The following PAPPA variants were observed in gnomAD, a reference collection of about 807,000 sequenced individuals.
PAPPA encodes the protein pappalysin-1.
Under a neutral mutation model 164.0 loss-of-function variants are expected in PAPPA, and 60 were observed. That is an observed-to-expected ratio of 0.37 (90% CI 0.30 to 0.45). The LOEUF (loss-of-function observed/expected upper bound fraction) is 0.45, where lower values mean the gene tolerates loss of function less well. PAPPA is among the 20% of genes least tolerant of loss of function. The pLI, the probability that PAPPA is intolerant of heterozygous loss-of-function variation, is 1.00. For missense variants in PAPPA, 1,782 were observed against 2,087.3 expected, an observed-to-expected ratio of 0.85 and a Z score of 2.85; for synonymous variants, 875 against 814.1, an observed-to-expected ratio of 1.07 and a Z score of -1.27.
At chr9:116,344,405 C>G in intron 13 of PAPPA, 138 bp from the exon 14 acceptor site, 1 of 764,612 alleles carries the variant, frequency 1.3e-6, no homozygotes, top group East Asian at 2.5e-5. Flanking sequence ...CATCTTCACC[C>G]TAGCCAGCAC....
intron 2 of PAPPA, among the ~76,000 whole-genome samples, chr9:116,196,903 C>G (rs1465702097): frequency 1.3e-5 from 2 of 152,214 alleles, no homozygotes; most frequent in Non-Finnish European, 2.9e-5. Flanking sequence ...TAGCCTTGAA[C>G]TTGACTTCTA....
intron 13 of PAPPA, among the ~76,000 whole-genome samples, chr9:116,335,946 TC>T (rs2118958730): frequency 6.6e-6 from 1 of 152,328 alleles, no homozygotes; most frequent in Admixed American, 6.5e-5. Flanking sequence ...TTTATAACCA[TC>T]TTTTGATGAT....
At chr9:116,372,892 G>C (rs2118668815) in intron 19 of PAPPA, among the ~76,000 whole-genome samples, 1 of 152,348 alleles carries the variant, frequency 6.6e-6, no homozygotes, top group East Asian at 1.9e-4. Flanking sequence ...AGATGAAGAA[G>C]CTGAGGCTCA....
intron 2 of PAPPA, among the ~76,000 whole-genome samples, chr9:116,198,378 C>T (rs1051887076): frequency 1.3e-5 from 2 of 152,112 alleles, no homozygotes; most frequent in African/African-American, 4.8e-5. Flanking sequence ...GATTGGAGTA[C>T]CCCAAGAGAA....
chr9:116,276,100 A>C (rs1016790337), intron 9 of PAPPA, among the ~76,000 whole-genome samples: 11 of 152,128 alleles, frequency 7.2e-5, no homozygotes, highest in African/African-American at 2.7e-4. Context: ...TCAGTGAAAA[A>C]ATGTGGTATC....
intron 2 of PAPPA, among the ~76,000 whole-genome samples, chr9:116,191,038 A>G (rs3789276): frequency 0.27 from 38,540 of 143,196 alleles, 5,913 homozygotes; most frequent in Non-Finnish European, 0.35. Context: ...AGGAGGGAGG[A>G]AGGGAAGGAG....
chr9:116,383,802 G>T lies in PAPPA; in HGVS notation c.4776+1309G>T, dbSNP rs1195286872. Among the ~76,000 whole-genome samples, 4 of 152,146 alleles carry T rather than the reference G, an allele frequency of 2.6e-5. No individual in the cohort carries two copies. The South Asian group carries it at 6.2e-4, about 24-fold the overall frequency. ...CCTTCTTTGGTTTCGGTTTGGTTTT[G>T]ATTTTTGATTGATAGGACACTGAAG... On this transcript the variant is annotated intron_variant, in intron 21 of 21. Transcript: ENST00000328252.
At chr9:116,160,849 T>C (rs1026381532) in intron 1 of PAPPA, among the ~76,000 whole-genome samples, 1 of 152,246 alleles carries the variant, frequency 6.6e-6, no homozygotes, top group East Asian at 1.9e-4. Context: ...GTAAGTTCCT[T>C]GGCTTGTTTG....
chr9:116,306,481 A>T (rs1845648138), intron 10 of PAPPA, among the ~76,000 whole-genome samples: 1 of 152,238 alleles, frequency 6.6e-6, no homozygotes. Context: ...TCTCATATCC[A>T]AATCTTATCA....
chr9:116,257,853 T>G (rs893670408), intron 7 of PAPPA, among the ~76,000 whole-genome samples: 3 of 151,828 alleles, frequency 2.0e-5, no homozygotes, highest in Non-Finnish European at 2.9e-5. Context: ...TAATATAAAT[T>G]TATATAAAAC....
At chr9:116,213,245 T>C (rs2118688698) in intron 4 of PAPPA, among the ~76,000 whole-genome samples, 1 of 152,304 alleles carries the variant, frequency 6.6e-6, no homozygotes, top group South Asian at 2.1e-4. Flanking sequence ...AAGAGAGGAA[T>C]TTGCTGCTGG....
At chr9:116,214,488 C>A (rs927165407) in intron 4 of PAPPA, among the ~76,000 whole-genome samples, 1 of 152,054 alleles carries the variant, frequency 6.6e-6, no homozygotes, top group Admixed American at 6.6e-5. Context: ...TACTGCAGAG[C>A]CTGTGTTACT....
intron 17 of PAPPA, among the ~76,000 whole-genome samples, chr9:116,356,087 G>T (rs565883104): frequency 7.0e-4 from 107 of 152,240 alleles, no homozygotes; most frequent in Middle Eastern, 6.8e-3. Context: ...AAAGGATAGG[G>T]GCTGTTGTAG....
chr9:116,333,759 C>G (rs1846023273), intron 12 of PAPPA, among the ~76,000 whole-genome samples: 4 of 152,186 alleles, frequency 2.6e-5, no homozygotes, highest in Admixed American at 2.6e-4. Flanking sequence ...CAGCCCAGGG[C>G]TCTGAGGAGA....
At chr9:116,223,871 C>T (rs1379897274) in intron 5 of PAPPA, among the ~76,000 whole-genome samples, 1 of 152,196 alleles carries the variant, frequency 6.6e-6, no homozygotes, top group Non-Finnish European at 1.5e-5. Flanking sequence ...ATCCTCTGGG[C>T]CTTCTTCCAT....
intron 9 of PAPPA, among the ~76,000 whole-genome samples, chr9:116,289,755 C>T (rs1224027995): frequency 6.6e-6 from 1 of 152,150 alleles, no homozygotes; most frequent in Non-Finnish European, 1.5e-5. Context: ...TGCAACAATG[C>T]ACACAACAGC....
chr9:116,387,878 T>C (rs957103311), intron 21 of PAPPA, among the ~76,000 whole-genome samples: 2 of 152,180 alleles, frequency 1.3e-5, no homozygotes, highest in Non-Finnish European at 2.9e-5. Flanking sequence ...CCCTTGTGGG[T>C]GATATTCTTG....
chr9:116,363,192 T>C (rs998079444), intron 18 of PAPPA, among the ~76,000 whole-genome samples: 1 of 152,150 alleles, frequency 6.6e-6, no homozygotes, highest in Non-Finnish European at 1.5e-5. Context: ...TACTAAACAT[T>C]CATGAGTACC....
At chr9:116,206,473 T>C (rs1404234310) in intron 2 of PAPPA, among the ~76,000 whole-genome samples, 1 of 152,138 alleles carries the variant, frequency 6.6e-6, no homozygotes, top group East Asian at 1.9e-4. Flanking sequence ...GCCCCATTAG[T>C]CAGGAATTAT....
Sources: allele counts gnomAD v4.1 joint callset (sites outside exome capture counted in the v4.1 genomes callset), GRCh38; gene constraint gnomAD v4.1.1; transcripts MANE v1.5; gene names NCBI Gene and HGNC (gene_info 2026-07-23, HGNC 2026-07-21).